WDR7: variants seen among roughly 807,000 people sequenced by gnomAD.
The protein encoded by WDR7 is WD repeat domain 7.
Under a neutral mutation model 169.4 loss-of-function variants are expected in WDR7, and 46 were observed. The ratio of observed to expected loss-of-function variants is 0.27; its 90% CI spans 0.21 to 0.35. WDR7 has a LOEUF of 0.35. Ranked by LOEUF, WDR7 falls within the 10% of genes least tolerant of loss-of-function variation. WDR7 has a pLI of 1.00. For missense variants in WDR7, 1,534 were observed against 1,859.3 expected (o/e 0.83, Z 3.22); for synonymous variants, 612 against 666.8 (o/e 0.92, Z 1.27).
Position 56,911,958 on chromosome 18 carries a change from G to A in WDR7, c.3527-11964G>A, listed in dbSNP as rs556280036. Among the ~76,000 whole-genome samples, 25 of 152,212 alleles carry A rather than the reference G, an allele frequency of 1.6e-4. No individual in the cohort carries two copies. In the South Asian group the frequency reaches 3.7e-3, roughly 23 times the overall value. ...TTAATTCTTAACTCTCTACATTAGC[G>A]CGAATGGATAAAAAACTGAGCATGA... On this transcript the variant is annotated intron_variant, in intron 21 of 27. Transcript: ENST00000254442.
At chr18:56,916,051 C>T (rs1435339147) in intron 21 of WDR7, among the ~76,000 whole-genome samples, 1 of 152,158 alleles carries the variant, frequency 6.6e-6, no homozygotes. Context: ...CTAGAAACTT[C>T]CTGCGGGTAA....
chr18:57,002,426 T>A (rs1266857516), intron 26 of WDR7, among the ~76,000 whole-genome samples: 4 of 152,192 alleles, frequency 2.6e-5, no homozygotes, highest in African/African-American at 4.8e-5. Flanking sequence ...GTTATTTCTG[T>A]AGTCAGACTT....
chr18:56,970,006 T>A (rs1198876374), intron 26 of WDR7, among the ~76,000 whole-genome samples: 1 of 152,226 alleles, frequency 6.6e-6, no homozygotes, highest in Non-Finnish European at 1.5e-5. Context: ...CTTAAACTCC[T>A]GTACTTCTTT....
intron 14 of WDR7, among the ~76,000 whole-genome samples, chr18:56,753,071 T>G (rs910691104): frequency 1.3e-5 from 2 of 152,156 alleles, no homozygotes; most frequent in African/African-American, 2.4e-5. Context: ...ATTTTATCCT[T>G]GGGTTCAACA....
intron 25 of WDR7, among the ~76,000 whole-genome samples, chr18:56,956,214 A>T (rs1358670135): frequency 6.6e-6 from 1 of 152,180 alleles, no homozygotes; most frequent in Non-Finnish European, 1.5e-5. Flanking sequence ...CTCCACAGGA[A>T]TGATGCATTT....
intron 26 of WDR7, among the ~76,000 whole-genome samples, chr18:56,972,274 T>C (rs1166087423): frequency 6.6e-6 from 1 of 152,210 alleles, no homozygotes; most frequent in Non-Finnish European, 1.5e-5. Context: ...TCTCTAAAAA[T>C]AACAAAGATT....
intron 26 of WDR7, among the ~76,000 whole-genome samples, chr18:57,000,399 AT>A (rs1377327936): frequency 8.6e-5 from 13 of 151,948 alleles, no homozygotes; most frequent in African/African-American, 1.2e-4. Context: ...AAAAATATTG[AT>A]TTTTTTCTGC....
intron 21 of WDR7, among the ~76,000 whole-genome samples, chr18:56,923,237 G>A (rs572546153): frequency 4.6e-5 from 7 of 152,234 alleles, no homozygotes; most frequent in African/African-American, 1.7e-4. Flanking sequence ...GCCACTAGAC[G>A]TAAGTATACA....
downstream of WDR7, chr18:57,032,832 T>C (rs71365338): frequency 2.0e-5 from 2 of 100,802 alleles, no homozygotes; most frequent in Non-Finnish European, 4.1e-5. Context: ...TATATATATA[T>C]ATATATATAT....
intron 26 of WDR7, among the ~76,000 whole-genome samples, chr18:57,014,223 G>A (rs1480337840): frequency 6.6e-6 from 1 of 151,898 alleles, no homozygotes; most frequent in African/African-American, 2.4e-5. Flanking sequence ...CTACTCGGGA[G>A]GCTGAGGCAG....
At position 56,681,305 on chromosome 18, in the gene WDR7, T is replaced by C; in HGVS notation, c.267-8T>C. Reference sequence around the variant, plus strand: ...ACACTCAAAGCTGACCATTATTTTGTTTTATAGAGAGATGTGCCTCTGGGA... The same window carrying C: ...ACACTCAAAGCTGACCATTATTTTGCTTTATAGAGAGATGTGCCTCTGGGA... On this transcript the variant is annotated splice_region_variant and splice_polypyrimidine_tract_variant and intron_variant, in intron 3 of 27. Coordinates refer to ENST00000254442, the MANE Select transcript of WDR7 (RefSeq NM_015285.3). 6.3e-7 allele frequency: 1 copy of C among 1,578,666 alleles called. No homozygotes were observed. The highest frequency in any genetic ancestry group is 8.6e-7 in the Non-Finnish European group (1 of 1,167,922).
At chr18:56,987,870 G>T (rs1025782788) in intron 26 of WDR7, among the ~76,000 whole-genome samples, 3 of 152,132 alleles carry the variant, frequency 2.0e-5, no homozygotes, top group Admixed American at 1.3e-4. Flanking sequence ...GCATAAGCTG[G>T]ATATCTTAGG....
intron 20 of WDR7, chr18:56,872,759 C>T (rs2045970799): frequency 6.6e-6 from 1 of 152,100 alleles, no homozygotes; most frequent in Non-Finnish European, 1.5e-5. Flanking sequence ...GAAAATGGAT[C>T]TCCATGTCAC....
chr18:57,018,561 C>A (rs947509099), intron 26 of WDR7, among the ~76,000 whole-genome samples: 20 of 152,272 alleles, frequency 1.3e-4, no homozygotes, highest in Non-Finnish European at 2.6e-4. Context: ...CCAGTATTGT[C>A]CGATCCTCCA....
At chr18:56,682,624 A>T (rs1325205031) in intron 4 of WDR7, 55 bp from the exon 5 acceptor site, 23 of 1,553,316 alleles carry the variant, frequency 1.5e-5, no homozygotes, top group Non-Finnish European at 1.9e-5. Context: ...TTAATCAAGT[A>T]TCTAAATTAA....
At chr18:56,786,786 T>A (rs951036535) in intron 19 of WDR7, among the ~76,000 whole-genome samples, 1 of 151,996 alleles carries the variant, frequency 6.6e-6, no homozygotes, top group East Asian at 2.0e-4. Context: ...TACTGACTTA[T>A]AGAAATATAA....
intron 20 of WDR7, among the ~76,000 whole-genome samples, chr18:56,842,255 G>T (rs1316602824): frequency 6.6e-6 from 1 of 151,246 alleles, no homozygotes; most frequent in East Asian, 1.9e-4. Flanking sequence ...TCTGCATCTG[G>T]TGAGGGCCTT....
intron 13 of WDR7, among the ~76,000 whole-genome samples, chr18:56,727,620 G>T (rs2026488991): frequency 6.6e-6 from 1 of 152,154 alleles, no homozygotes; most frequent in Admixed American, 6.5e-5. Flanking sequence ...AGAGGAAACT[G>T]TCTCCATGAT....
intron 1 of WDR7, among the ~76,000 whole-genome samples, chr18:56,659,856 A>G (rs1052832342): frequency 1.3e-5 from 2 of 148,498 alleles, no homozygotes; most frequent in African/African-American, 4.9e-5. Context: ...TCACAGCATG[A>G]TTTTTTTTTT....
Sources: gnomAD v4.1 joint callset for allele counts (sites outside exome capture counted in the v4.1 genomes callset) on GRCh38, gnomAD v4.1.1 for gene constraint, MANE v1.5 for transcripts, NCBI Gene and HGNC (gene_info 2026-07-23, HGNC 2026-07-21) for gene names.